MYO10: variants seen among roughly 807,000 people sequenced by gnomAD.
MYO10 encodes the protein unconventional myosin-X.
Under a neutral mutation model 257.3 loss-of-function variants are expected in MYO10, and 133 were observed. That is an observed-to-expected ratio of 0.52 (90% CI 0.45 to 0.60). The LOEUF (loss-of-function observed/expected upper bound fraction) is 0.60. Ranked by LOEUF, MYO10 falls within the 20% of genes least tolerant of loss-of-function variation. The pLI is 0.00. For synonymous variants in MYO10, 1,104 were observed against 1,028.6 expected (o/e 1.07, Z -1.40); for missense variants, 2,399 against 2,635.7 (o/e 0.91, Z 1.97).
At chr5:16,680,129 C>A (rs1160946862) in intron 32 of MYO10, 25 bp from the exon 33 acceptor site, 1 of 1,597,544 alleles carries the variant, frequency 6.3e-7, no homozygotes, top group Non-Finnish European at 8.6e-7. Context: ...GTGCCCAGCA[C>A]ACGCACGTCA....
chr5:16,765,206 T>G (rs1266865652), intron 11 of MYO10, among the ~76,000 whole-genome samples: 2 of 152,214 alleles, frequency 1.3e-5, no homozygotes, highest in African/African-American at 4.8e-5. Flanking sequence ...GGGTGACATC[T>G]GAGTCAGTGG....
chr5:16,823,222 A>G (rs541532952), intron 2 of MYO10, among the ~76,000 whole-genome samples: 1 of 150,236 alleles, frequency 6.7e-6, no homozygotes, highest in South Asian at 2.2e-4. Context: ...CAGTCAGCAG[A>G]TCACTTGAGG....
rs542852859 is a variant in MYO10, at chr5:16,750,547, G to T, written c.1929+4281C>A. Among the ~76,000 whole-genome samples the T allele has an allele frequency of 1.7e-4, 26 of 152,294 alleles. No individual in the cohort carries two copies. In the South Asian group the frequency reaches 3.5e-3, roughly 21 times the overall value. On this transcript the variant is annotated intron_variant, in intron 19 of 40. Coordinates refer to ENST00000513610, the MANE Select transcript of MYO10 (RefSeq NM_012334.3). ...GTAGCAGCCAGGGCGGGTAAAGGGG[G>T]TGTGCTCCCACTAGCCCGGCGAGTG...
intron 27 of MYO10, among the ~76,000 whole-genome samples, chr5:16,691,636 T>C (rs1009083305): frequency 6.6e-6 from 1 of 151,140 alleles, no homozygotes; most frequent in Non-Finnish European, 1.5e-5. Context: ...GAGGCAGAGG[T>C]TGCAGTGAGC....
chr5:16,834,022 C>G (rs1014398715), intron 2 of MYO10, among the ~76,000 whole-genome samples: 2 of 152,104 alleles, frequency 1.3e-5, no homozygotes, highest in Non-Finnish European at 2.9e-5. Context: ...CAGGCCCCCC[C>G]GAACGCCCCA....
chr5:16,870,134 T>C (rs1350252916), intron 2 of MYO10, among the ~76,000 whole-genome samples: 1 of 151,270 alleles, frequency 6.6e-6, no homozygotes, highest in African/African-American at 2.5e-5. Flanking sequence ...ACCTGAGAAT[T>C]ATGATGCCGC....
At chr5:16,698,590 C>T (rs1025415351) in intron 26 of MYO10, among the ~76,000 whole-genome samples, 2 of 150,690 alleles carry the variant, frequency 1.3e-5, no homozygotes, top group Non-Finnish European at 2.9e-5. Flanking sequence ...TCCTTTTAGG[C>T]TCTCTAATAT....
At chr5:16,710,373 G>A (rs1394870155) in intron 21 of MYO10, among the ~76,000 whole-genome samples, 1 of 152,126 alleles carries the variant, frequency 6.6e-6, no homozygotes, top group Non-Finnish European at 1.5e-5. Context: ...GCTCCTATCT[G>A]GAAAAGGGGG....
In MYO10 at chr5:16,827,465, T is replaced by G. The variant is rs1202714480; in HGVS notation, c.121-9298A>C. Among the ~76,000 whole-genome samples the G allele has an allele frequency of 5.3e-5, 8 of 152,206 alleles. No individual in the cohort carries two copies. In the East Asian group the frequency reaches 1.4e-3, roughly 26 times the overall value. On this transcript the variant is annotated intron_variant, in intron 2 of 40. Coordinates refer to ENST00000513610, the MANE Select transcript of MYO10 (RefSeq NM_012334.3). ...CCAAGCCTGGCTAATTTTTGTATTT[T>G]TAGTAGAGATGCGGTTTCACCATGA...
intron 2 of MYO10, among the ~76,000 whole-genome samples, chr5:16,823,467 G>GGGGGT (rs1561003861): frequency 2.5e-4 from 1 of 3,986 alleles, no homozygotes; most frequent in Non-Finnish European, 5.8e-4. Context: ...GGGGAGTGGG[G>GGGGGT]ATTTTTTTTT....
At chr5:16,885,508 C>T (rs534816493) in intron 1 of MYO10, among the ~76,000 whole-genome samples, 1 of 152,018 alleles carries the variant, frequency 6.6e-6, no homozygotes, top group Non-Finnish European at 1.5e-5. Flanking sequence ...TCCGTCTCTA[C>T]TAAAAATGCA....
rs1314554068 is a variant in MYO10, at chr5:16,823,520, A to G, written c.121-5353T>C. Among the ~76,000 whole-genome samples the G allele has an allele frequency of 7.9e-4, 88 of 111,552 alleles. 1 individual carries two copies. In the Middle Eastern group the frequency reaches 0.026, roughly 33 times the overall value. The allele number at this position is 111,552 out of a possible 152,430, so 73.2% of individuals were successfully genotyped here. A position where few individuals can be genotyped will look rare whatever the true frequency, so the allele number is the denominator to read the frequency against. On this transcript the variant is annotated intron_variant, in intron 2 of 40. Transcript: ENST00000513610. ...AGAGTCTCACTCTGTCGCCCAGGCT[A>G]GAGTGCAGTGGCACAATCTCGGCTC...
At chr5:16,697,598 T>C (rs1333885271) in intron 26 of MYO10, among the ~76,000 whole-genome samples, 2 of 151,384 alleles carry the variant, frequency 1.3e-5, no homozygotes, top group Admixed American at 1.3e-4. Context: ...CTCAGGAGGC[T>C]AAGGCAGGAG....
chr5:16,674,101 G>A (rs374540559), intron 35 of MYO10, among the ~76,000 whole-genome samples: 1 of 152,184 alleles, frequency 6.6e-6, no homozygotes, highest in Non-Finnish European at 1.5e-5. Flanking sequence ...ATGTCTCACT[G>A]GGAGCAACTG....
At chr5:16,700,825 T>C in intron 25 of MYO10, 138 bp downstream of exon 25, 1 of 1,120,398 alleles carries the variant, frequency 8.9e-7, no homozygotes, top group Non-Finnish European at 1.2e-6. Context: ...AGCAAAAGGT[T>C]TAAGATGATC....
rs143405087 is a variant in MYO10 at position 16,845,198 on chromosome 5, T to C, written c.121-27031A>G. On this transcript the variant is annotated intron_variant, in intron 2 of 40. Coordinates refer to ENST00000513610, the MANE Select transcript of MYO10 (RefSeq NM_012334.3). The stretch of plus-strand genomic sequence containing the variant: ...ACATTTTTTCCTGAAAGGTAACAGA[T>C]CCTTACTGCTGAATTATCTGTAGCA... Among the ~76,000 whole-genome samples, 1,264 of 152,162 alleles carry C rather than the reference T, an allele frequency of 8.3e-3. 21 individuals are homozygous for C. The highest frequency in any genetic ancestry group is 0.028 in the African/African-American group (1,151 of 41,542).
At chr5:16,927,153 A>G (rs972262641) in intron 1 of MYO10, among the ~76,000 whole-genome samples, 3 of 152,162 alleles carry the variant, frequency 2.0e-5, no homozygotes, top group Non-Finnish European at 4.4e-5. Context: ...ATGATATTTA[A>G]AGCTTTTCTC....
chr5:16,914,093 A>G (rs1248931467), intron 1 of MYO10, among the ~76,000 whole-genome samples: 3 of 152,208 alleles, frequency 2.0e-5, no homozygotes, highest in Admixed American at 2.0e-4. Context: ...TCCGATCCTG[A>G]CCAAATGATA....
chr5:16,701,979 C>G lies in MYO10; in HGVS notation c.2557-141G>C, dbSNP rs1738103182. 9.5e-6 allele frequency: 9 copies of G among 942,504 alleles called. No individual in the cohort carries two copies. In the South Asian group the frequency reaches 1.5e-4, roughly 15 times the overall value. The allele number at this position is 942,504 out of a possible 1,614,324, so 58.4% of individuals were successfully genotyped here. ...AAGTCTATAGGTTGAAGTCCTAACC[C>G]CAATACTGCAGAATGTGACTGCATT... is the stretch of plus-strand genomic sequence containing the variant. On this transcript the variant is annotated intron_variant, in intron 24 of 40. Transcript: ENST00000513610. The surrounding 1 kb of genome is among the most constrained non-coding windows in gnomAD (Gnocchi z 8.1).
Sources: gnomAD v4.1 joint callset for allele counts (sites outside exome capture counted in the v4.1 genomes callset) on GRCh38, gnomAD v4.1.1 for gene constraint, Gnocchi (gnomAD v3.1) non-coding constraint, MANE v1.5 for transcripts, NCBI Gene and HGNC (gene_info 2026-07-23, HGNC 2026-07-21) for gene names.